The following OIP5 variants were observed in gnomAD, a reference collection of about 807,000 sequenced individuals.
OIP5 encodes protein Mis18-beta.
A neutral mutation model predicts 20.3 loss-of-function variants in OIP5; 24 were observed. The ratio of observed to expected loss-of-function variants is 1.18; its 90% CI spans 0.86 to 1.66. The LOEUF (loss-of-function observed/expected upper bound fraction) is 1.66. OIP5 is among the 40% of genes most tolerant of loss of function. The pLI, the probability that OIP5 is intolerant of heterozygous loss-of-function variation, is 0.00. For missense variants in OIP5, 339 were observed against 289.5 expected, an observed-to-expected ratio of 1.17 and a Z score of -1.24; for synonymous variants, 143 against 121.3, an observed-to-expected ratio of 1.18 and a Z score of -1.17.
In OIP5 at chr15:41,332,504, A is replaced by T. The variant is rs147610892; in HGVS notation, c.58T>A (p.Phe20Ile). The T allele has an allele frequency of 3.3e-5, 53 of 1,613,758 alleles. No homozygotes were observed. Among genetic ancestry groups the T allele is most frequent in the Non-Finnish European group, 2.0e-5 (24 of 1,179,888 alleles). The change falls in exon 1 of 5, where the codon TTT (phenylalanine) becomes ATT (isoleucine). Residue 20 changes from phenylalanine to isoleucine, a missense_variant. Transcript: ENST00000220514. ...SRCATPPRGD[F>I]CGGTERAIDQ... ...ATCGCCCTCTCAGTGCCACCACAAA[A>T]GTCCCCCCGGGGCGGCGTTGCACAA...
chr15:41,319,407 C>T (rs1189281720), intron 3 of OIP5, among the ~76,000 whole-genome samples: 1 of 152,108 alleles, frequency 6.6e-6, no homozygotes, highest in East Asian at 1.9e-4. Context: ...AGGCGTCTAC[C>T]ACTACACCTG....
rs568502945 is a variant in OIP5, at chr15:41,311,315, A to G, written c.595-1466T>C. 3.6e-4 allele frequency among the ~76,000 whole-genome samples: 55 copies of G among 152,296 alleles called. No individual in the cohort carries two copies. In the South Asian group the frequency reaches 0.011, roughly 30 times the overall value. On this transcript the variant is annotated intron_variant, in intron 4 of 4. Transcript: ENST00000220514. ...TTTTTAGTAGAGACAAGGATTCTCC[A>G]TGTGGGAGAATCGCTTGAACCCGGG...
rs2047939156 is a variant in OIP5, at chr15:41,332,354, G to A, written c.208C>T (p.Leu70=). The A allele has an allele frequency of 1.9e-6, 3 of 1,612,662 alleles. No individual in the cohort carries two copies. Among genetic ancestry groups the A allele is most frequent in the Non-Finnish European group, 2.5e-6 (3 of 1,179,218 alleles). The change falls in exon 1 of 5, where the codon CTG becomes TTG. Residue 70 remains leucine (L), a synonymous_variant. Coordinates refer to ENST00000220514, the MANE Select transcript of OIP5 (RefSeq NM_007280.2). ...PAAGPQLPSW[L]QPERCAVFQC... Reference sequence around the variant, plus strand: ...AACACAGCGCACCTCTCAGGCTGCAGCCAAGACGGCAGCTGCGGGCCGGCG... The same window carrying A: ...AACACAGCGCACCTCTCAGGCTGCAACCAAGACGGCAGCTGCGGGCCGGCG...
intron 2 of OIP5, among the ~76,000 whole-genome samples, chr15:41,320,510 C>T (rs531341960): frequency 6.6e-6 from 1 of 152,204 alleles, no homozygotes; most frequent in Non-Finnish European, 1.5e-5. Flanking sequence ...CAGCTCCTAA[C>T]CGCGAGTGAT....
At chr15:41,324,800 T>C (rs976946640) in intron 2 of OIP5, among the ~76,000 whole-genome samples, 2 of 152,182 alleles carry the variant, frequency 1.3e-5, no homozygotes, top group South Asian at 2.1e-4. Flanking sequence ...CCATTTTTTT[T>C]CTTCATATTC....
chr15:41,324,143 G>A (rs757473025), intron 2 of OIP5, among the ~76,000 whole-genome samples: 18 of 151,768 alleles, frequency 1.2e-4, no homozygotes, highest in Admixed American at 2.0e-4. Context: ...ATAGGTGTGC[G>A]CCACCACATC....
rs746056853 is a variant in OIP5, at chr15:41,332,484, C to T, written c.78G>A (p.Arg26=). ...PRGDFCGGTE[R]AIDQASFTTS... is the part of the protein sequence containing the mutation. ...TCGTAAAAGAAGCTTGGTCAATCGC[C>T]CTCTCAGTGCCACCACAAAAGTCCC... The change falls in exon 1 of 5, where the codon AGG becomes AGA. Residue 26 remains arginine, a synonymous_variant. Coordinates refer to ENST00000220514, the MANE Select transcript of OIP5 (RefSeq NM_007280.2). 3.7e-6 allele frequency: 6 copies of T among 1,614,056 alleles called. No individual in the cohort carries two copies. The South Asian group carries it at 5.5e-5, about 15-fold the overall frequency.
At chr15:41,328,997 C>T (rs113408498) in intron 2 of OIP5, among the ~76,000 whole-genome samples, 2 of 131,822 alleles carry the variant, frequency 1.5e-5, no homozygotes, top group African/African-American at 5.6e-5. Flanking sequence ...ACCCGGGAGG[C>T]GGAGGTTGCA....
intron 4 of OIP5, among the ~76,000 whole-genome samples, chr15:41,310,442 C>T (rs111924012): frequency 8.0e-4 from 121 of 152,002 alleles, no homozygotes; most frequent in African/African-American, 2.8e-3. Flanking sequence ...CTGGCTAACA[C>T]GGTGAAACCC....
chr15:41,314,389 G>A (rs1042644541), intron 3 of OIP5, among the ~76,000 whole-genome samples: 6 of 151,564 alleles, frequency 4.0e-5, no homozygotes, highest in African/African-American at 1.2e-4. Context: ...GGCGTGAGCC[G>A]AGCCCAGCCT....
rs984873556 is a variant in OIP5, at chr15:41,324,724, T to C, written c.390-4944A>G. ...GGCTGGTCTTGAATTCCTGACCTCA[T>C]GTGATCCACCCGCCTCAGTCTCCCA... On this transcript the variant is annotated intron_variant, in intron 2 of 4. Coordinates refer to ENST00000220514, the MANE Select transcript of OIP5 (RefSeq NM_007280.2). Among the ~76,000 whole-genome samples the C allele has an allele frequency of 7.2e-5, 11 of 151,908 alleles. No individual in the cohort carries two copies. In the Middle Eastern group the frequency reaches 0.01, roughly 142 times the overall value.
rs895605097 is a variant in OIP5, at chr15:41,319,927, A to G, written c.390-147T>C. The G allele has an allele frequency of 4.7e-6, 3 of 635,474 alleles. No individual in the cohort carries two copies. In the African/African-American group the frequency reaches 5.6e-5, roughly 12 times the overall value. The allele number at this position is 635,474 out of a possible 1,614,324, so 39.4% of individuals were successfully genotyped here. On this transcript the variant is annotated intron_variant, in intron 2 of 4. Coordinates refer to ENST00000220514, the MANE Select transcript of OIP5 (RefSeq NM_007280.2). ...ATGAGACGGAAAGAATGTCACATTC[A>G]AGAAAGGGTAACTCAGATTGTAATT... is the stretch of plus-strand genomic sequence containing the variant.
intron 4 of OIP5, among the ~76,000 whole-genome samples, chr15:41,310,562 G>C (rs752299299): frequency 6.6e-6 from 1 of 151,254 alleles, no homozygotes; most frequent in Non-Finnish European, 1.5e-5. Context: ...CCAGGAGGCA[G>C]AGCTTGCAGT....
chr15:41,332,230 C>T lies in OIP5; in HGVS notation c.322+10G>A, dbSNP rs2140472027. On this transcript the variant is annotated intron_variant, in intron 1 of 4. Transcript: ENST00000220514. ...GCCTCTGCCTTTCCCGAACGCTTCA[C>T]TGCACTCACTGGAGAAGACCACGGC... The T allele has an allele frequency of 6.5e-7, 1 of 1,535,992 alleles. No homozygotes were observed. Among genetic ancestry groups the T allele is most frequent in the East Asian group, 2.3e-5 (1 of 44,286 alleles).
intron 2 of OIP5, among the ~76,000 whole-genome samples, chr15:41,321,154 G>A (rs1442603190): frequency 2.7e-5 from 4 of 150,910 alleles, no homozygotes; most frequent in African/African-American, 7.3e-5. Flanking sequence ...GAGGGAGGTG[G>A]GGGGTCAGCC....
At position 41,316,227 on chromosome 15, in the gene OIP5, C is replaced by T. The variant is rs183398326; in HGVS notation, c.513-2873G>A. 5.3e-5 allele frequency among the ~76,000 whole-genome samples: 8 copies of T among 152,244 alleles called. No homozygotes were observed. The East Asian group carries it at 1.5e-3, about 29-fold the overall frequency. ...TTGGGAAGCCCAGGCAGGAGAATCACTTGAACCCAGGAGGTGCAGGTTGCA... is the reference window on the plus strand; with the variant it reads ...TTGGGAAGCCCAGGCAGGAGAATCATTTGAACCCAGGAGGTGCAGGTTGCA... On this transcript the variant is annotated intron_variant, in intron 3 of 4. Coordinates refer to ENST00000220514, the MANE Select transcript of OIP5 (RefSeq NM_007280.2).
chr15:41,322,286 A>G (rs578113004), intron 2 of OIP5, among the ~76,000 whole-genome samples: 13 of 152,314 alleles, frequency 8.5e-5, no homozygotes, highest in East Asian at 1.9e-4. Context: ...AAATAAATAA[A>G]TGTTTTACAA....
chr15:41,312,164 CTT>C (rs1180916308), intron 4 of OIP5, among the ~76,000 whole-genome samples: 15 of 88,040 alleles, frequency 1.7e-4, no homozygotes, highest in Admixed American at 2.4e-4. Context: ...TTCTTTTTTT[CTT>C]TTTTTTTTTT....
chr15:41,318,944 C>G (rs1252706656), intron 3 of OIP5, among the ~76,000 whole-genome samples: 2 of 152,010 alleles, frequency 1.3e-5, no homozygotes, highest in African/African-American at 4.8e-5. Flanking sequence ...CTCAAGCAGT[C>G]CTCCCACCTT....
Sources: gnomAD v4.1 joint callset for allele counts (sites outside exome capture counted in the v4.1 genomes callset) on GRCh38, gnomAD v4.1.1 for gene constraint, MANE v1.5 for transcripts, NCBI Gene and HGNC (gene_info 2026-07-23, HGNC 2026-07-21) for gene names.